Variants in LOC400499 observed in about 807,000 individuals in gnomAD.
the LOC400499 span, chr16:11,493,772 C>T: frequency 2.6e-6 from 1 of 390,700 alleles, no homozygotes; most frequent in African/African-American, 2.2e-5. Context: ...CCCGCGTTGC[C>T]GACTGCCTTC....
the LOC400499 span, among the ~76,000 whole-genome samples, chr16:11,508,257 T>A: frequency 6.6e-6 from 1 of 152,158 alleles, no homozygotes; most frequent in Admixed American, 6.5e-5. Context: ...GGGCCTCAGA[T>A]TCTTGATGAT....
At chr16:11,465,746 T>C in the LOC400499 span, among the ~76,000 whole-genome samples, 3 of 143,254 alleles carry the variant, frequency 2.1e-5, no homozygotes, top group Admixed American at 7.6e-5. Flanking sequence ...GAATAAGACC[T>C]TGTAAAAGAA....
At chr16:11,488,903 G>A in the LOC400499 span, 3 of 398,656 alleles carry the variant, frequency 7.5e-6, no homozygotes, top group Admixed American at 8.8e-5. Context: ...GAGGGGCCGT[G>A]AGGAAAGGGC....
At chr16:11,459,577 C>T in the LOC400499 span, among the ~76,000 whole-genome samples, 2 of 152,126 alleles carry the variant, frequency 1.3e-5, no homozygotes, top group Middle Eastern at 3.2e-3. Flanking sequence ...CTGAGCACAC[C>T]ATCAGTCCTA....
At chr16:11,494,847 CA>C in the LOC400499 span, 78,457 of 398,168 alleles carry the variant, frequency 0.2, 7,972 homozygotes, top group African/African-American at 0.23. Context: ...CTCACCTGGG[CA>C]ACTTCATAAT....
the LOC400499 span, among the ~76,000 whole-genome samples, chr16:11,520,368 AAAGG>A: frequency 2.0e-5 from 3 of 152,254 alleles, no homozygotes; most frequent in African/African-American, 7.2e-5. Flanking sequence ...TAGAAATAAA[AAAGG>A]AAGGCTGGGC....
the LOC400499 span, chr16:11,411,371 C>A: frequency 1.0e-5 from 4 of 399,106 alleles, no homozygotes; most frequent in East Asian, 3.6e-5. Context: ...CAAGACAGCA[C>A]CTTGTCCAGT....
At chr16:11,396,605 C>T in the LOC400499 span, 12 of 1,232,168 alleles carry the variant, frequency 9.7e-6, no homozygotes, top group Non-Finnish European at 1.2e-5. Context: ...TGGTGCAAGG[C>T]CCAGGTGGCA....
chr16:11,514,446 G>A, the LOC400499 span: 2 of 399,150 alleles, frequency 5.0e-6, no homozygotes, highest in Non-Finnish European at 8.8e-6. Context: ...TTTGCAGGAA[G>A]TGGCCCCGCG....
At chr16:11,456,821 G>C in the LOC400499 span, 2 of 1,534,916 alleles carry the variant, frequency 1.3e-6, no homozygotes, top group Non-Finnish European at 1.7e-6. Flanking sequence ...TCAGAAACCT[G>C]AGCTGCTAGC....
chr16:11,377,778 C>G, the LOC400499 span, among the ~76,000 whole-genome samples: 3 of 152,176 alleles, frequency 2.0e-5, no homozygotes, highest in Non-Finnish European at 4.4e-5. Context: ...GGTGCTTTGT[C>G]TGCCTTTGGT....
chr16:11,434,580 T>A, the LOC400499 span, among the ~76,000 whole-genome samples: 5 of 152,284 alleles, frequency 3.3e-5, no homozygotes, highest in South Asian at 1.0e-3. Context: ...GACCCCCTGT[T>A]CCTGGCCACA....
the LOC400499 span, chr16:11,380,805 G>A: frequency 6.6e-6 from 1 of 152,130 alleles, no homozygotes; most frequent in African/African-American, 2.4e-5. Context: ...CAGATGTTTT[G>A]TTGATGGCTG....
At chr16:11,443,459 C>G in the LOC400499 span, 1 of 280,984 alleles carries the variant, frequency 3.6e-6, no homozygotes, top group African/African-American at 3.2e-5. Context: ...CAGAGTGAGA[C>G]TCTGTCTTAA....
the LOC400499 span, among the ~76,000 whole-genome samples, chr16:11,433,878 T>C: frequency 2.0e-5 from 3 of 152,232 alleles, no homozygotes; most frequent in Non-Finnish European, 4.4e-5. Context: ...GTCTCTTCCA[T>C]CTGGCTGTTC....
chr16:11,490,398 A>G, the LOC400499 span, among the ~76,000 whole-genome samples: 1 of 138,796 alleles, frequency 7.2e-6, no homozygotes, highest in East Asian at 2.0e-4. Flanking sequence ...TCTGTCTCGA[A>G]AAAAAAAAAA....
chr16:11,524,821 T>G, the LOC400499 span, among the ~76,000 whole-genome samples: 3 of 150,934 alleles, frequency 2.0e-5, no homozygotes, highest in Non-Finnish European at 4.4e-5. Context: ...GCCAGCCACT[T>G]GCAGGATCTT....
chr16:11,505,733 G>A, the LOC400499 span, among the ~76,000 whole-genome samples: 1 of 151,982 alleles, frequency 6.6e-6, no homozygotes, highest in Non-Finnish European at 1.5e-5. Flanking sequence ...ACAGGTGTGA[G>A]CCACTGTGCC....
the LOC400499 span, among the ~76,000 whole-genome samples, chr16:11,522,670 G>A: frequency 6.6e-6 from 1 of 152,232 alleles, no homozygotes; most frequent in Non-Finnish European, 1.5e-5. Flanking sequence ...CTGAGGCTCA[G>A]AGAGGTTAAC....
Sources: gnomAD v4.1 joint callset for allele counts (sites outside exome capture counted in the v4.1 genomes callset) on GRCh38, gnomAD v4.1.1 for gene constraint, MANE v1.5 for transcripts.